The following MAPK4 variants were observed in gnomAD, a reference collection of about 807,000 sequenced individuals.
The protein encoded by MAPK4 is Erk3-related.
MAPK4 carries 22 observed loss-of-function variants against 47.7 expected under a neutral mutation model. That is an observed-to-expected ratio of 0.46 (90% CI 0.33 to 0.66). The LOEUF (loss-of-function observed/expected upper bound fraction) is 0.66. Ranked by LOEUF, MAPK4 falls within the 30% of genes least tolerant of loss-of-function variation. The pLI is 0.02. For synonymous variants in MAPK4, 390 were observed against 365.7 expected (o/e 1.07, Z -0.76); for missense variants, 736 against 831.7 (o/e 0.88, Z 1.42).
chr18:50,691,886 C>T (rs889663884), intron 2 of MAPK4, among the ~76,000 whole-genome samples: 1 of 152,004 alleles, frequency 6.6e-6, no homozygotes, highest in African/African-American at 2.4e-5. Context: ...CTCCCAGTCT[C>T]CCATCTGTCT....
At chr18:50,697,647 C>T (rs1276562632) in intron 2 of MAPK4, among the ~76,000 whole-genome samples, 1 of 152,136 alleles carries the variant, frequency 6.6e-6, no homozygotes, top group Non-Finnish European at 1.5e-5. Flanking sequence ...TAACCACACA[C>T]TAAAATATTT....
chr18:50,621,656 G>A (rs1461700885), intron 1 of MAPK4, among the ~76,000 whole-genome samples: 7 of 152,136 alleles, frequency 4.6e-5, no homozygotes, highest in African/African-American at 1.7e-4. Flanking sequence ...CAGATGGTAG[G>A]AAAAAGGGGT....
intron 1 of MAPK4, among the ~76,000 whole-genome samples, chr18:50,569,233 A>G (rs963557860): frequency 7.2e-5 from 11 of 152,218 alleles, no homozygotes; most frequent in African/African-American, 2.7e-4. Context: ...AGTCTCTGAA[A>G]TCAGTATGTG....
chr18:50,622,023 C>T (rs1181739122), intron 1 of MAPK4, among the ~76,000 whole-genome samples: 1 of 152,182 alleles, frequency 6.6e-6, no homozygotes, highest in South Asian at 2.1e-4. Context: ...ATCTTAATGC[C>T]TATTAACAGC....
intron 1 of MAPK4, among the ~76,000 whole-genome samples, chr18:50,647,737 C>G (rs2043003611): frequency 6.6e-6 from 1 of 152,176 alleles, no homozygotes; most frequent in African/African-American, 2.4e-5. Flanking sequence ...ACAGTTCCTG[C>G]CTGCTGTGCC....
At position 50,627,753 on chromosome 18, in the gene MAPK4, G is replaced by C. The variant is rs140384136; in HGVS notation, c.-870-35336G>C. Among the ~76,000 whole-genome samples, 582 of 152,320 alleles carry C rather than the reference G, an allele frequency of 3.8e-3. 2 individuals are homozygous for C. Among genetic ancestry groups the C allele is most frequent in the African/African-American group, 0.013 (543 of 41,576 alleles). On this transcript the variant is annotated intron_variant, in intron 1 of 5. Transcript: ENST00000400384. ...TACTGCCTGCCCAGGAGATGACACA[G>C]AATGCAGGGTCTCCCATGCCTGTGA...
At chr18:50,636,640 C>A (rs2042891574) in intron 1 of MAPK4, among the ~76,000 whole-genome samples, 1 of 152,206 alleles carries the variant, frequency 6.6e-6, no homozygotes, top group Non-Finnish European at 1.5e-5. Context: ...TCCTGAAGAT[C>A]TATTAATATC....
chr18:50,634,121 C>G (rs1206087068), intron 1 of MAPK4, among the ~76,000 whole-genome samples: 1 of 152,006 alleles, frequency 6.6e-6, no homozygotes, highest in Non-Finnish European at 1.5e-5. Flanking sequence ...CTCTCTTTTC[C>G]AAATATGCTC....
At chr18:50,584,623 G>A (rs2042373921) in intron 1 of MAPK4, among the ~76,000 whole-genome samples, 1 of 152,212 alleles carries the variant, frequency 6.6e-6, no homozygotes. Context: ...TGTGGCACAT[G>A]TTACAAACCC....
At chr18:50,643,248 C>A (rs369510259) in intron 1 of MAPK4, among the ~76,000 whole-genome samples, 6 of 152,234 alleles carry the variant, frequency 3.9e-5, no homozygotes, top group African/African-American at 1.4e-4. Context: ...CACAGTGGCT[C>A]ACACCTGTAA....
At chr18:50,634,324 T>TC (rs2042860452) in intron 1 of MAPK4, among the ~76,000 whole-genome samples, 1 of 151,340 alleles carries the variant, frequency 6.6e-6, no homozygotes, top group Non-Finnish European at 1.5e-5. Flanking sequence ...TCTTTTTTTT[T>TC]TTTCCTTTTC....
In MAPK4 at chr18:50,664,495, C is replaced by T. The variant is rs1451582692; in HGVS notation, c.537C>T (p.Tyr179=). The T allele has an allele frequency of 4.4e-6, 7 of 1,592,158 alleles. No homozygotes were observed. The highest frequency in any genetic ancestry group is 6.0e-6 in the Non-Finnish European group (7 of 1,166,266). ...TGGCAAGGATCGTTGATCAGCATTA[C>T]TCCCACAAGGTATGTCTGGCTGGAA... ...FGLARIVDQH[Y]SHKGYLSEGL... is the part of the protein sequence containing the mutation. The change falls in exon 2 of 6, where the codon TAC becomes TAT. Residue 179 remains tyrosine (Y), a synonymous_variant. Coordinates refer to ENST00000400384, the MANE Select transcript of MAPK4 (RefSeq NM_002747.4). The surrounding 1 kb of genome is among the most constrained non-coding windows in gnomAD (Gnocchi z 6.0).
In MAPK4 at chr18:50,729,143, TTTG is replaced by T; in HGVS notation, c.1068-13_1068-11del. Reference sequence around the variant, plus strand: ...GCTTGGGCATCCAATCACCGCTCTGTTTGTACCCTTGCAGGTACCCTGTGAGCC... The same window carrying T: ...GCTTGGGCATCCAATCACCGCTCTGTTACCCTTGCAGGTACCCTGTGAGCC... On this transcript the variant is annotated splice_polypyrimidine_tract_variant and intron_variant, in intron 5 of 5. Transcript: ENST00000400384. The T allele has an allele frequency of 6.4e-7, 1 of 1,554,610 alleles. No homozygotes were observed. The highest frequency in any genetic ancestry group is 8.8e-7 in the Non-Finnish European group (1 of 1,142,166).
At chr18:50,697,668 G>C (rs1321114832) in intron 2 of MAPK4, among the ~76,000 whole-genome samples, 1 of 152,172 alleles carries the variant, frequency 6.6e-6, no homozygotes. Context: ...AAATGGGCAG[G>C]GGACAGGGGA....
chr18:50,723,424 G>A (rs1245673992), intron 4 of MAPK4, among the ~76,000 whole-genome samples: 3 of 152,238 alleles, frequency 2.0e-5, no homozygotes, highest in Non-Finnish European at 2.9e-5. Flanking sequence ...TGCCAGGATG[G>A]ATGTCACATG....
chr18:50,582,614 A>G (rs771011216), intron 1 of MAPK4, among the ~76,000 whole-genome samples: 2 of 152,202 alleles, frequency 1.3e-5, no homozygotes, highest in Non-Finnish European at 1.5e-5. Flanking sequence ...CCAGCCAGAA[A>G]TCTCTACAGC....
intron 4 of MAPK4, among the ~76,000 whole-genome samples, chr18:50,723,017 G>A (rs1911013452): frequency 2.6e-5 from 4 of 152,216 alleles, no homozygotes; most frequent in Admixed American, 2.6e-4. Flanking sequence ...TAGGGAGGAG[G>A]AGTTTCTGAG....
chr18:50,580,583 C>T (rs1309629883), intron 1 of MAPK4, among the ~76,000 whole-genome samples: 1 of 152,172 alleles, frequency 6.6e-6, no homozygotes, highest in African/African-American at 2.4e-5. Flanking sequence ...TAAGGCCAAG[C>T]TGCTTTTTTC....
At chr18:50,585,864 A>T (rs2042383774) in intron 1 of MAPK4, among the ~76,000 whole-genome samples, 1 of 152,178 alleles carries the variant, frequency 6.6e-6, no homozygotes, top group South Asian at 2.1e-4. Context: ...AAAGGGGGAA[A>T]AGCCTCATCA....
Sources: allele counts gnomAD v4.1 joint callset (sites outside exome capture counted in the v4.1 genomes callset), GRCh38; gene constraint gnomAD v4.1.1; non-coding constraint Gnocchi (gnomAD v3.1); transcripts MANE v1.5; gene names NCBI Gene and HGNC (gene_info 2026-07-23, HGNC 2026-07-21).